Variants in SI observed in about 807,000 individuals in gnomAD.
SI encodes the protein sucrase-isomaltase, intestinal.
A neutral mutation model predicts 253.3 loss-of-function variants in SI; 235 were observed. That is an observed-to-expected ratio of 0.93 (90% confidence interval 0.83 to 1.03). The LOEUF (loss-of-function observed/expected upper bound fraction) is 1.03, where lower values mean the gene tolerates loss of function less well. Among genes scored for constraint, SI ranks in the 50% least tolerant of loss-of-function variants. The pLI is 0.00. For missense variants in SI, 2,442 were observed against 2,211.1 expected (o/e 1.10, Z -2.09); for synonymous variants, 819 against 712.0 (o/e 1.15, Z -2.39).
intron 37 of SI, among the ~76,000 whole-genome samples, chr3:165,002,987 C>A (rs1332498210): frequency 6.6e-6 from 1 of 151,678 alleles, no homozygotes; most frequent in East Asian, 1.9e-4. Context: ...GTGCTGATTT[C>A]CTCCTCATAA....
rs1308337228 is a variant in SI at position 165,017,535 on chromosome 3, T to C, written c.3759+13A>G. The C allele has an allele frequency of 6.2e-7, 1 of 1,608,990 alleles. No individual in the cohort carries two copies. The highest frequency in any genetic ancestry group is 1.3e-5 in the African/African-American group (1 of 74,780). ...TTCCATATTTAACATTGTTTTAAAA[T>C]TGATATACATACATAGGGGATGTTA... On this transcript the variant is annotated intron_variant, in intron 31 of 47. Coordinates refer to ENST00000264382, the MANE Select transcript of SI (RefSeq NM_001041.4).
At chr3:165,072,331 G>A (rs1297686224) in intron 3 of SI, among the ~76,000 whole-genome samples, 2 of 151,768 alleles carry the variant, frequency 1.3e-5, no homozygotes, top group African/African-American at 2.4e-5. Context: ...CGTTAAGATG[G>A]TGGAAAATTA....
In SI at chr3:165,023,685, A is replaced by T; in HGVS notation, c.2984T>A (p.Ile995Lys). ...VNSARYSSMG[I>K]TADLQLNTAN... ...AGTATTTAGTTGGAGGTCAGCTGTTATACCCATGGATGAATAGCGAGCTGA... is the reference window on the plus strand; with the variant it reads ...AGTATTTAGTTGGAGGTCAGCTGTTTTACCCATGGATGAATAGCGAGCTGA... The change falls in exon 26 of 48, where the codon ATA becomes AAA. Residue 995 changes from isoleucine to lysine, a missense_variant. By Grantham distance (102) the Ile-to-Lys change is moderately radical. Coordinates refer to ENST00000264382, the MANE Select transcript of SI (RefSeq NM_001041.4). 6.2e-7 allele frequency: 1 copy of T among 1,610,774 alleles called. No individual in the cohort carries two copies. The highest frequency in any genetic ancestry group is 8.5e-7 in the Non-Finnish European group (1 of 1,177,820).
intron 34 of SI, among the ~76,000 whole-genome samples, chr3:165,010,941 G>A (rs1276631210): frequency 2.0e-5 from 3 of 152,158 alleles, no homozygotes; most frequent in African/African-American, 4.8e-5. Flanking sequence ...ACATAGTTCA[G>A]TAGGTTCAAT....
At chr3:165,002,007 C>A (rs1192581479) in intron 37 of SI, among the ~76,000 whole-genome samples, 2 of 151,354 alleles carry the variant, frequency 1.3e-5, no homozygotes, top group African/African-American at 2.4e-5. Flanking sequence ...AACTCTTGGG[C>A]ACTTATTTAA....
intron 7 of SI, 120 bp downstream of exon 7, chr3:165,065,141 T>TCC: frequency 3.0e-6 from 2 of 668,444 alleles, no homozygotes; most frequent in Non-Finnish European, 5.2e-6. Context: ...TATATTGGTA[T>TCC]CAGTGACATT....
intron 45 of SI, among the ~76,000 whole-genome samples, chr3:164,985,267 G>T (rs1717384213): frequency 6.6e-6 from 1 of 152,092 alleles, no homozygotes; most frequent in African/African-American, 2.4e-5. Flanking sequence ...TTAATTATGA[G>T]ATTCAAAGAT....
chr3:165,084,565 A>G, the SI span, among the ~76,000 whole-genome samples: 67 of 152,142 alleles, frequency 4.4e-4, 1 homozygote, highest in Admixed American at 3.8e-3. Flanking sequence ...ACTAATGAAA[A>G]TGAATGTCTG....
At position 165,015,154 on chromosome 3, in the gene SI, C is replaced by T; in HGVS notation, c.3968G>A (p.Trp1323Ter). 1 of 1,613,200 alleles carries T rather than the reference C, an allele frequency of 6.2e-7. No homozygotes were observed. The highest frequency in any genetic ancestry group is 8.5e-7 in the Non-Finnish European group (1 of 1,179,470). The change falls in exon 33 of 48, where the codon TGG becomes TAG. Residue 1323 changes from tryptophan (W) to a stop codon, truncating the protein, a stop_gained. Coordinates refer to ENST00000264382, the MANE Select transcript of SI (RefSeq NM_001041.4). LOFTEE classifies it high-confidence loss of function. ...CCAACAAATGTCATTGGTGTTTGGCCATTTGACAAAGACATCATTCTGCTG... is the reference window on the plus strand; with the variant it reads ...CCAACAAATGTCATTGGTGTTTGGCTATTTGACAAAGACATCATTCTGCTG... Reference protein sequence around the residue: ...RGQQNDVFVKWPNTNDICWAK... With the variant: ...RGQQNDVFVK
rs1192166415 is a variant in SI at position 165,033,534 on chromosome 3, A to G, written c.2516-90T>C. ...CTTATACAACACTTAAGAAATTTGA[A>G]CAAACTAGATGCTGTTTATTAATGA... On this transcript the variant is annotated intron_variant, in intron 22 of 47. Coordinates refer to ENST00000264382, the MANE Select transcript of SI (RefSeq NM_001041.4). 6 of 1,196,678 alleles carry G rather than the reference A, an allele frequency of 5.0e-6. No individual in the cohort carries two copies. The African/African-American group carries it at 9.5e-5, about 19-fold the overall frequency. The allele number at this position is 1,196,678 out of a possible 1,614,324, so 74.1% of individuals were successfully genotyped here. A position where few individuals can be genotyped will look rare whatever the true frequency, so the allele number is the denominator to read the frequency against.
chr3:165,042,968 A>G, intron 17 of SI, 91 bp downstream of exon 17: 1 of 813,258 alleles, frequency 1.2e-6, no homozygotes. Flanking sequence ...ACAATCTTTC[A>G]GACCATATAC....
At chr3:165,026,081 C>T (rs1445291859) in intron 25 of SI, among the ~76,000 whole-genome samples, 4 of 151,166 alleles carry the variant, frequency 2.6e-5, no homozygotes, top group South Asian at 2.1e-4. Context: ...TCTGCTGCCT[C>T]CAAGAGACTC....
intron 47 of SI, 139 bp from the exon 48 acceptor site, chr3:164,979,569 A>G (rs769053901): frequency 9.1e-6 from 5 of 547,436 alleles, no homozygotes; most frequent in Non-Finnish European, 1.6e-5. Flanking sequence ...TTTTACTCTC[A>G]GAAAGTTTGC....
chr3:165,027,160 A>G (rs1466672387), intron 25 of SI, among the ~76,000 whole-genome samples: 1 of 151,450 alleles, frequency 6.6e-6, no homozygotes, highest in Non-Finnish European at 1.5e-5. Flanking sequence ...AGAAATACAA[A>G]AGATCATTCA....
intron 2 of SI, among the ~76,000 whole-genome samples, chr3:165,075,626 G>T (rs1426048916): frequency 6.6e-6 from 1 of 151,866 alleles, no homozygotes; most frequent in African/African-American, 2.4e-5. Flanking sequence ...TTACATTAAC[G>T]ATTTGATCCC....
intron 26 of SI, among the ~76,000 whole-genome samples, chr3:165,022,405 C>A (rs1287332742): frequency 1.4e-5 from 2 of 148,142 alleles, no homozygotes; most frequent in Non-Finnish European, 3.0e-5. Flanking sequence ...GGAACTCATT[C>A]TAAATTTTAT....
chr3:164,980,940 T>C (rs183727249), intron 47 of SI, among the ~76,000 whole-genome samples: 1 of 151,918 alleles, frequency 6.6e-6, no homozygotes, highest in Non-Finnish European at 1.5e-5. Flanking sequence ...CATTGGACCG[T>C]GCAAAAAAGT....
At chr3:165,089,813 T>C in the SI span, among the ~76,000 whole-genome samples, 1 of 151,816 alleles carries the variant, frequency 6.6e-6, no homozygotes, top group Non-Finnish European at 1.5e-5. Context: ...CTAGGCACTC[T>C]CTCCGTTCTC....
chr3:165,054,962 T>C (rs548988836), intron 13 of SI, among the ~76,000 whole-genome samples: 1 of 152,294 alleles, frequency 6.6e-6, no homozygotes, highest in South Asian at 2.1e-4. Context: ...ATTTATTCTA[T>C]ACAGTGTATT....
Sources: gnomAD v4.1 joint callset for allele counts (sites outside exome capture counted in the v4.1 genomes callset) on GRCh38, gnomAD v4.1.1 for gene constraint, MANE v1.5 for transcripts, NCBI Gene and HGNC (gene_info 2026-07-23, HGNC 2026-07-21) for gene names.